Variants in DNAH10 observed in about 807,000 individuals in gnomAD.
DNAH10 encodes the protein axonemal beta dynein heavy chain 10.
A neutral mutation model predicts 506.6 loss-of-function variants in DNAH10; 348 were observed. The ratio of observed to expected loss-of-function variants is 0.69; its 90% CI spans 0.63 to 0.75. DNAH10 has a LOEUF of 0.75. Ranked by LOEUF, DNAH10 falls within the 30% of genes least tolerant of loss-of-function variation. The pLI is 0.00. For missense variants in DNAH10, 5,179 were observed against 5,787.1 expected (o/e 0.89, Z 3.41); for synonymous variants, 2,059 against 2,198.6 (o/e 0.94, Z 1.78).
chr12:123,782,332 T>TCCCCCCCCCCCCCCCCCCC (rs1565896458), intron 6 of DNAH10, among the ~76,000 whole-genome samples: 1 of 80,572 alleles, frequency 1.2e-5, no homozygotes, highest in Non-Finnish European at 2.4e-5. Context: ...CTGCCCTGCC[T>TCCCCCCCCCCCCCCCCCCC]CCCCTCCCCT....
In DNAH10 at chr12:123,928,622, C is replaced by T. The variant is rs1445506044; in HGVS notation, c.12306+35C>T. On this transcript the variant is annotated intron_variant, in intron 70 of 78. Transcript: ENST00000673944. The surrounding 1 kb of genome is among the most constrained non-coding windows in gnomAD (Gnocchi z 4.9). Reference sequence around the variant, plus strand: ...CAGGATGGACATCAACATGCCAGCACGCAGCTTCTCAGAACACCTGCATGC... The same window carrying T: ...CAGGATGGACATCAACATGCCAGCATGCAGCTTCTCAGAACACCTGCATGC... 21 of 1,556,846 alleles carry T rather than the reference C, an allele frequency of 1.3e-5. No homozygotes were observed. The highest frequency in any genetic ancestry group is 1.7e-4 in the Middle Eastern group (1 of 5,992).
chr12:123,926,545 A>G lies in DNAH10; in HGVS notation c.11922-92A>G. 7.3e-7 allele frequency: 1 copy of G among 1,374,142 alleles called. No homozygotes were observed. The highest frequency in any genetic ancestry group is 1.5e-5 in the African/African-American group (1 of 68,734). 85.1% of individuals were successfully genotyped at this position (1,374,142 alleles called of 1,614,324 possible). ...CAGAGGAGTGGTCAGAAGGTTCTGG[A>G]CACCGGAGGAGGCAGCGCTGATCAG... On this transcript the variant is annotated intron_variant, in intron 68 of 78. Coordinates refer to ENST00000673944, the MANE Select transcript of DNAH10 (RefSeq NM_001372106.1). This position sits in a 1 kb window ranked among gnomAD's most constrained non-coding sequence, Gnocchi z 4.1.
intron 27 of DNAH10, among the ~76,000 whole-genome samples, chr12:123,835,156 C>A (rs1450579165): frequency 6.6e-6 from 1 of 152,200 alleles, no homozygotes; most frequent in Non-Finnish European, 1.5e-5. Context: ...AGTTTTCCTA[C>A]CTGTGCTGGG....
intron 76 of DNAH10, among the ~76,000 whole-genome samples, chr12:123,933,115 T>C (rs1310004833): frequency 1.3e-5 from 2 of 152,248 alleles, no homozygotes; most frequent in East Asian, 3.8e-4. Flanking sequence ...CCAGTACTTT[T>C]GTGGTTTTAT....
chr12:123,859,066 G>T (rs1951510757), intron 37 of DNAH10, 84 bp from the exon 38 acceptor site: 5 of 1,255,344 alleles, frequency 4.0e-6, no homozygotes, highest in Middle Eastern at 3.7e-4. Flanking sequence ...AAGGTAAATT[G>T]TATGGCGTGT....
intron 76 of DNAH10, 81 bp from the exon 77 acceptor site, chr12:123,933,250 A>G: frequency 7.8e-7 from 1 of 1,283,580 alleles, no homozygotes; most frequent in East Asian, 3.0e-5. Flanking sequence ...CTTTTATCAT[A>G]AACTAAACTT....
rs1028675608 is a variant in DNAH10 at position 123,853,928 on chromosome 12, G to T, written c.6438+576G>T. Among the ~76,000 whole-genome samples, 1 of 147,162 alleles carries T rather than the reference G, an allele frequency of 6.8e-6. No individual in the cohort carries two copies. Among genetic ancestry groups the T allele is most frequent in the African/African-American group, 2.5e-5 (1 of 39,778 alleles). ...CACATGTACACATACGCACACGCAC[G>T]CACACGCACACGCACACACACACAC... On this transcript the variant is annotated intron_variant, in intron 36 of 78. Coordinates refer to ENST00000673944, the MANE Select transcript of DNAH10 (RefSeq NM_001372106.1). The surrounding 1 kb of genome is among the most constrained non-coding windows in gnomAD (Gnocchi z 4.7).
At chr12:123,814,123 C>A in intron 21 of DNAH10, 2 of 448,534 alleles carry the variant, frequency 4.5e-6, no homozygotes, top group Non-Finnish European at 7.6e-6. Flanking sequence ...ATGGATTGAT[C>A]TGTAACTATA....
At chr12:123,799,188 CGAGATGAAAAA>C in intron 13 of DNAH10, 47 bp from the exon 14 acceptor site, 4 of 1,454,770 alleles carry the variant, frequency 2.7e-6, no homozygotes, top group Non-Finnish European at 2.8e-6. Flanking sequence ...CTGTGTAGAG[CGAGATGAAAAA>C]TGTTATTTTC....
rs1013048091 is a variant in DNAH10 at position 123,793,858 on chromosome 12, AT to A, written c.1816-74del. 3.9e-3 allele frequency: 3,990 copies of A among 1,020,048 alleles called. 6 individuals are homozygous for A. The highest frequency in any genetic ancestry group is 6.3e-3 in the Admixed American group (139 of 22,218). 63.2% of individuals were successfully genotyped at this position (1,020,048 alleles called of 1,614,324 possible). On this transcript the variant is annotated intron_variant, in intron 11 of 78. Coordinates refer to ENST00000673944, the MANE Select transcript of DNAH10 (RefSeq NM_001372106.1). ...CATAGAAATCTGTCCCAAACCACTGATTTTTTTTTTCTTATTTCTTGCCACT... is the reference window on the plus strand; with the variant it reads ...CATAGAAATCTGTCCCAAACCACTGATTTTTTTTTCTTATTTCTTGCCACT...
chr12:123,800,152 G>T, intron 14 of DNAH10, 64 bp from the exon 15 acceptor site: 1 of 1,535,560 alleles, frequency 6.5e-7, no homozygotes, highest in African/African-American at 1.4e-5. Context: ...TTTGGTGTGG[G>T]TTGTGTTGAT....
intron 52 of DNAH10, among the ~76,000 whole-genome samples, chr12:123,891,546 G>A: frequency 6.6e-6 from 1 of 152,126 alleles, no homozygotes. Flanking sequence ...AGGTGGAAGA[G>A]GAACGAGCAG....
rs1285980279 is a variant in DNAH10 at position 123,763,848 on chromosome 12, C to T, written c.214+1298C>T. 2.5e-4 allele frequency among the ~76,000 whole-genome samples: 38 copies of T among 150,612 alleles called. 1 individual carries two copies. The highest frequency in any genetic ancestry group is 2.5e-3 in the Admixed American group (38 of 15,118). ...AAAGTGCTGGGATTCCAGGTGTTAG[C>T]CATCTGGCACCTGGCCACTTCTTTT... On this transcript the variant is annotated intron_variant, in intron 1 of 78. Coordinates refer to ENST00000673944, the MANE Select transcript of DNAH10 (RefSeq NM_001372106.1).
At chr12:123,878,614 C>T (rs140236828) in intron 48 of DNAH10, among the ~76,000 whole-genome samples, 5 of 152,184 alleles carry the variant, frequency 3.3e-5, no homozygotes, top group South Asian at 2.1e-4. Context: ...AAGGAGCTGT[C>T]GGCCAGGCAC....
chr12:123,813,587 C>T lies in DNAH10; in HGVS notation c.3568C>T (p.Leu1190Phe), dbSNP rs772183780. Residue 1190 changes from leucine (L) to phenylalanine (F), a missense_variant, in exon 20 of 79, where the codon CTT becomes TTT. Physicochemically the swap from Leu to Phe is conservative, Grantham distance 22. Around this residue, in one of 3 missense-constraint regions of DNAH10, gnomAD observed 4,844 missense variants for 5,430.5 expected, o/e 0.89. Transcript: ENST00000673944. ...AKSWVISLGK[L>F]LNESAKEELY... ...GTCCTGGGTGATTTCGCTTGGAAAACTTCTCAATGAGTCAGCAAAAGAGGA... is the reference window on the plus strand; with the variant it reads ...GTCCTGGGTGATTTCGCTTGGAAAATTTCTCAATGAGTCAGCAAAAGAGGA... The T allele has an allele frequency of 1.2e-6, 2 of 1,614,188 alleles. No individual in the cohort carries two copies. Among genetic ancestry groups the T allele is most frequent in the South Asian group, 1.1e-5 (1 of 91,088 alleles).
rs774488853 is a variant in DNAH10 at position 123,928,484 on chromosome 12, A to G, written c.12203A>G (p.Lys4068Arg). 1 of 1,611,232 alleles carries G rather than the reference A, an allele frequency of 6.2e-7. No homozygotes were observed. The highest frequency in any genetic ancestry group is 2.2e-5 in the East Asian group (1 of 44,790). ...GTCAAGTGGCTGAAAGATCTGGAGA[A>G]GTCCCTGGAGAGGATCACCAAGCCC... is the stretch of plus-strand genomic sequence containing the variant. ...LLVKWLKDLEKSLERITKPHP... is the reference protein window; with the variant it reads ...LLVKWLKDLERSLERITKPHP... The change falls in exon 70 of 79, where the codon AAG becomes AGG. Residue 4068 changes from lysine (K) to arginine (R), a missense_variant. Physicochemically the swap from Lys to Arg is conservative, Grantham distance 26. This residue lies in a region of DNAH10 where 4,844 missense variants were observed against 5,430.5 expected (regional missense o/e 0.89). Transcript: ENST00000673944. This position sits in a 1 kb window ranked among gnomAD's most constrained non-coding sequence, Gnocchi z 4.9.
At position 123,916,490 on chromosome 12, in the gene DNAH10, C is replaced by A. The variant is rs1954484337; in HGVS notation, c.10756C>A (p.Gln3586Lys). ...ASFNDPDFLK[Q>K]LEMSIKYGTP... ...CTTTAATGACCCTGACTTCCTCAAG[C>A]AGCTAGAGATGTCCATAAAGTACGG... The change falls in exon 63 of 79, where the codon CAG becomes AAG. Residue 3586 changes from glutamine (Q) to lysine (K), a missense_variant. Physicochemically the swap from Gln to Lys is moderately conservative, Grantham distance 53 (BLOSUM62 1). Coordinates refer to ENST00000673944, the MANE Select transcript of DNAH10 (RefSeq NM_001372106.1). This position sits in a 1 kb window ranked among gnomAD's most constrained non-coding sequence, Gnocchi z 4.6. 1 of 1,613,016 alleles carries A rather than the reference C, an allele frequency of 6.2e-7. No individual in the cohort carries two copies. Among genetic ancestry groups the A allele is most frequent in the African/African-American group, 1.3e-5 (1 of 74,946 alleles).
At chr12:123,891,457 G>A (rs1257692382) in intron 52 of DNAH10, among the ~76,000 whole-genome samples, 4 of 152,170 alleles carry the variant, frequency 2.6e-5, no homozygotes, top group Non-Finnish European at 5.9e-5. Context: ...GGAGCCTAGG[G>A]TGGGGACGTC....
chr12:123,832,593 T>G (rs1411583231), intron 26 of DNAH10, among the ~76,000 whole-genome samples: 3 of 152,142 alleles, frequency 2.0e-5, no homozygotes, highest in Non-Finnish European at 4.4e-5. Context: ...TCTGCTCACC[T>G]TGACCTCCTA....
Sources: gnomAD v4.1 joint callset for allele counts (sites outside exome capture counted in the v4.1 genomes callset) on GRCh38, gnomAD v4.1.1 for gene constraint, gnomAD v4.1.1 regional missense constraint, Gnocchi (gnomAD v3.1) non-coding constraint, MANE v1.5 for transcripts, NCBI Gene and HGNC (gene_info 2026-07-23, HGNC 2026-07-21) for gene names.